CSGALNACT2: variants seen among roughly 807,000 people sequenced by gnomAD.
CSGALNACT2 encodes beta 4 GalNAcT-2.
CSGALNACT2 carries 35 observed loss-of-function variants against 55.3 expected under a neutral mutation model. The observed-to-expected ratio is 0.63, with a 90% CI of 0.48 to 0.84. The LOEUF is 0.84. CSGALNACT2 is among the 40% of genes least tolerant of loss of function. The pLI is 0.00. For missense variants in CSGALNACT2, 544 were observed against 657.5 expected (o/e 0.83, Z 1.89); for synonymous variants, 196 against 224.9 (o/e 0.87, Z 1.15).
At chr10:43,182,627 TC>T (rs1214852068) in intron 7 of CSGALNACT2, among the ~76,000 whole-genome samples, 1 of 151,366 alleles carries the variant, frequency 6.6e-6, no homozygotes, top group Non-Finnish European at 1.5e-5. Context: ...ATGCCTGCAA[TC>T]CAGCACTTTG....
chr10:43,154,802 G>A, intron 1 of CSGALNACT2, 95 bp from the exon 2 acceptor site: 1 of 216,616 alleles, frequency 4.6e-6, no homozygotes, highest in Non-Finnish European at 9.2e-6. Context: ...TTCTCTGCAT[G>A]TAGTAGTCAC....
chr10:43,162,920 A>G (rs1839183007), intron 4 of CSGALNACT2: 1 of 985,254 alleles, frequency 1.0e-6, no homozygotes, highest in Admixed American at 6.2e-5. Flanking sequence ...TGCCTTTAGG[A>G]TACTGACCAA....
intron 6 of CSGALNACT2, among the ~76,000 whole-genome samples, chr10:43,173,386 A>G (rs1010844055): frequency 1.3e-5 from 2 of 152,188 alleles, no homozygotes; most frequent in Admixed American, 6.5e-5. Flanking sequence ...AGGCTTGGGT[A>G]TATAGGTTAT....
chr10:43,166,958 C>A, intron 5 of CSGALNACT2, 46 bp from the exon 6 acceptor site: 1 of 1,182,150 alleles, frequency 8.5e-7, no homozygotes, highest in Non-Finnish European at 1.2e-6. Context: ...AAGAACAGTT[C>A]TTCATAACTT....
In CSGALNACT2 at chr10:43,155,200, G is replaced by T; in HGVS notation, c.51G>T (p.Leu17Phe). 6.2e-7 allele frequency: 1 copy of T among 1,614,100 alleles called. No individual in the cohort carries two copies. The highest frequency in any genetic ancestry group is 8.5e-7 in the Non-Finnish European group (1 of 1,180,002). Residue 17 changes from leucine to phenylalanine, a missense_variant, in exon 2 of 8, where the codon TTG becomes TTT. Leu to Phe is a conservative substitution (Grantham distance 22). Coordinates refer to ENST00000374466, the MANE Select transcript of CSGALNACT2 (RefSeq NM_018590.5). ...ILHTRTHWLL[L>F]GLALLCSLVL... is the part of the protein sequence containing the mutation. The stretch of plus-strand genomic sequence containing the variant: ...ACACCCGGACCCACTGGTTGCTGTT[G>T]GGCCTTGCTTTGCTCTGCAGTTTGG...
chr10:43,139,878 T>G (rs1175827003), intron 1 of CSGALNACT2, among the ~76,000 whole-genome samples: 1 of 152,236 alleles, frequency 6.6e-6, no homozygotes, highest in Admixed American at 6.5e-5. Context: ...TCCCAATTTT[T>G]GTATATGATG....
chr10:43,165,519 G>A (rs1318545254), intron 5 of CSGALNACT2, among the ~76,000 whole-genome samples: 3 of 152,148 alleles, frequency 2.0e-5, no homozygotes, highest in Admixed American at 6.5e-5. Flanking sequence ...GGGGGGTGCT[G>A]CTGAGCACAG....
chr10:43,145,734 A>G (rs1564508956), intron 1 of CSGALNACT2, among the ~76,000 whole-genome samples: 1 of 152,172 alleles, frequency 6.6e-6, no homozygotes. Flanking sequence ...AGGCACAGAC[A>G]AAAAATAACC....
intron 6 of CSGALNACT2, among the ~76,000 whole-genome samples, chr10:43,167,569 A>G (rs1482435938): frequency 6.6e-6 from 1 of 152,160 alleles, no homozygotes; most frequent in South Asian, 2.1e-4. Flanking sequence ...GTTTTTTAAA[A>G]TTTTTAAATA....
chr10:43,154,915 A>G lies in CSGALNACT2; in HGVS notation c.-235A>G. 1 of 488,766 alleles carries G rather than the reference A, an allele frequency of 2.0e-6. No individual in the cohort carries two copies. The allele number at this position is 488,766 out of a possible 1,614,324, so 30.3% of individuals were successfully genotyped here. On this transcript the variant is annotated 5_prime_UTR_variant, in exon 2 of 8. The change creates a new upstream start codon in the 5' untranslated region. Coordinates refer to ENST00000374466, the MANE Select transcript of CSGALNACT2 (RefSeq NM_018590.5). ...CTTTCAGAAAAATCACTACCAATAT[A>G]ATGGATTTTATATATCAGATTGCTT...
intron 1 of CSGALNACT2, among the ~76,000 whole-genome samples, chr10:43,148,516 A>C (rs1299415071): frequency 1.3e-5 from 2 of 152,228 alleles, no homozygotes; most frequent in South Asian, 2.1e-4. Context: ...CCTTCCAATC[A>C]TGAGTGTGGT....
intron 7 of CSGALNACT2, among the ~76,000 whole-genome samples, chr10:43,177,855 T>C (rs1264194494): frequency 2.6e-5 from 4 of 152,266 alleles, no homozygotes; most frequent in African/African-American, 9.6e-5. Flanking sequence ...TTTTCCAAAG[T>C]GGCTGCATCA....
chr10:43,174,855 C>G (rs1275678432), intron 6 of CSGALNACT2, among the ~76,000 whole-genome samples: 1 of 152,202 alleles, frequency 6.6e-6, no homozygotes, highest in African/African-American at 2.4e-5. Context: ...TGCTAAGCCT[C>G]AGTTACTAGA....
rs17158594 is a variant in CSGALNACT2 at position 43,163,687 on chromosome 10, A to C, written c.981-179A>C. The C allele has an allele frequency of 2.7e-3, 2,701 of 985,368 alleles. 130 individuals are homozygous for C. The East Asian group carries it at 0.095, about 35-fold the overall frequency. The allele number at this position is 985,368 out of a possible 1,614,324, so 61.0% of individuals were successfully genotyped here. A position where few individuals can be genotyped will look rare whatever the true frequency, so the allele number is the denominator to read the frequency against. Reference sequence around the variant, plus strand: ...GTGCCTCAAATTGGGCATTTGGTGAATATCTCTCCCTGATGATAATCATAC... The same window carrying C: ...GTGCCTCAAATTGGGCATTTGGTGACTATCTCTCCCTGATGATAATCATAC... On this transcript the variant is annotated intron_variant, in intron 4 of 7. Coordinates refer to ENST00000374466, the MANE Select transcript of CSGALNACT2 (RefSeq NM_018590.5).
At position 43,155,314 on chromosome 10, in the gene CSGALNACT2, G is replaced by A. The variant is rs577874758; in HGVS notation, c.165G>A (p.Glu55=). Residue 55 remains glutamate (E), a synonymous_variant, in exon 2 of 8, where the codon GAG becomes GAA. Coordinates refer to ENST00000374466, the MANE Select transcript of CSGALNACT2 (RefSeq NM_018590.5). ...TTGTTGGGGAAAATTATGGTAAAGA[G>A]TATTATCAAGCCCTCCTACAGGAAC... ...PGVVGENYGK[E]YYQALLQEQE... The A allele has an allele frequency of 6.2e-7, 1 of 1,614,138 alleles. No individual in the cohort carries two copies. Among genetic ancestry groups the A allele is most frequent in the Admixed American group, 1.7e-5 (1 of 60,016 alleles).
intron 4 of CSGALNACT2, chr10:43,163,136 A>C: frequency 1.0e-6 from 1 of 985,138 alleles, no homozygotes; most frequent in Non-Finnish European, 1.2e-6. Flanking sequence ...TGACCTTTAC[A>C]CTCACCACTG....
At chr10:43,177,034 G>A (rs1459181951) in intron 7 of CSGALNACT2, among the ~76,000 whole-genome samples, 4 of 152,080 alleles carry the variant, frequency 2.6e-5, no homozygotes, top group Non-Finnish European at 5.9e-5. Flanking sequence ...TATCACATTC[G>A]TTTTTATAAC....
intron 7 of CSGALNACT2, 54 bp downstream of exon 7, chr10:43,176,086 T>G: frequency 2.1e-6 from 3 of 1,406,230 alleles, no homozygotes; most frequent in Non-Finnish European, 2.9e-6. Context: ...GACTTAATGG[T>G]ATTTTGCTAA....
chr10:43,149,065 T>C (rs1838820047), intron 1 of CSGALNACT2, among the ~76,000 whole-genome samples: 1 of 152,166 alleles, frequency 6.6e-6, no homozygotes, highest in African/African-American at 2.4e-5. Flanking sequence ...TTCTAGTTTA[T>C]TGAATGGTGT....
Sources: allele counts gnomAD v4.1 joint callset (sites outside exome capture counted in the v4.1 genomes callset), GRCh38; gene constraint gnomAD v4.1.1; transcripts MANE v1.5; gene names NCBI Gene and HGNC (gene_info 2026-07-23, HGNC 2026-07-21).